Variants in MAF observed in about 807,000 individuals in gnomAD.
MAF encodes MAF bZIP transcription factor.
MAF carries 10 observed loss-of-function variants against 22.0 expected under a neutral mutation model. The ratio of observed to expected loss-of-function variants is 0.45; its 90% CI spans 0.28 to 0.77. MAF has a LOEUF of 0.77. Ranked by LOEUF, MAF falls within the 30% of genes least tolerant of loss-of-function variation. The pLI is 0.12. For missense variants in MAF, 544 were observed against 548.4 expected, an observed-to-expected ratio of 0.99 and a Z score of 0.08; for synonymous variants, 337 against 255.8, an observed-to-expected ratio of 1.32 and a Z score of -3.03.
At chr16:79,316,470 G>A in the MAF span, among the ~76,000 whole-genome samples, 1 of 152,114 alleles carries the variant, frequency 6.6e-6, no homozygotes, top group Non-Finnish European at 1.5e-5. Context: ...GTGTTTCTCG[G>A]TTTCCATGTC....
the MAF span, among the ~76,000 whole-genome samples, chr16:79,209,999 A>G: frequency 6.6e-6 from 1 of 152,208 alleles, no homozygotes. Flanking sequence ...ATGGAGGGAG[A>G]TTGGGGAGGT....
chr16:79,226,575 C>A, the MAF span, among the ~76,000 whole-genome samples: 1 of 152,030 alleles, frequency 6.6e-6, no homozygotes, highest in East Asian at 1.9e-4. Context: ...GAAAAATGTA[C>A]GTTATAAAAG....
chr16:79,563,887 A>G, the MAF span, among the ~76,000 whole-genome samples: 1 of 152,236 alleles, frequency 6.6e-6, no homozygotes, highest in Non-Finnish European at 1.5e-5. Context: ...TTCACATCCA[A>G]AAAGTATCAT....
chr16:79,340,636 A>G, the MAF span, among the ~76,000 whole-genome samples: 2 of 151,814 alleles, frequency 1.3e-5, no homozygotes, highest in South Asian at 2.1e-4. Context: ...TTATATGCAA[A>G]TCCACAGAGT....
the MAF span, among the ~76,000 whole-genome samples, chr16:79,545,371 C>G: frequency 1.3e-5 from 2 of 152,200 alleles, no homozygotes; most frequent in African/African-American, 4.8e-5. Flanking sequence ...AACGACAATG[C>G]AAGGTTCCTT....
chr16:79,495,557 G>C, the MAF span, among the ~76,000 whole-genome samples: 2 of 152,160 alleles, frequency 1.3e-5, no homozygotes, highest in African/African-American at 4.8e-5. Flanking sequence ...ACCACATATA[G>C]ATTTCTTCTT....
the MAF span, among the ~76,000 whole-genome samples, chr16:79,213,271 C>G: frequency 6.6e-6 from 1 of 151,484 alleles, no homozygotes; most frequent in East Asian, 1.9e-4. Flanking sequence ...ACTTCTGTGC[C>G]TCTGCATCTG....
the MAF span, among the ~76,000 whole-genome samples, chr16:79,300,751 T>G: frequency 6.6e-6 from 1 of 152,036 alleles, no homozygotes; most frequent in African/African-American, 2.4e-5. Context: ...ATACATTTTA[T>G]TATATGTTAT....
At chr16:79,558,834 A>G in the MAF span, among the ~76,000 whole-genome samples, 1 of 152,202 alleles carries the variant, frequency 6.6e-6, no homozygotes, top group Non-Finnish European at 1.5e-5. Context: ...TTTGATTATA[A>G]TAGGGGCTCC....
the MAF span, among the ~76,000 whole-genome samples, chr16:79,457,158 A>G: frequency 1.3e-5 from 2 of 152,196 alleles, no homozygotes; most frequent in African/African-American, 4.8e-5. Flanking sequence ...CTCTCCAAGA[A>G]AAAAATGTCT....
the MAF span, among the ~76,000 whole-genome samples, chr16:79,431,313 A>G: frequency 6.6e-6 from 1 of 152,194 alleles, no homozygotes; most frequent in East Asian, 1.9e-4. Context: ...TTAAAGAGTT[A>G]AGGGCCATGA....
the MAF span, among the ~76,000 whole-genome samples, chr16:79,308,045 G>C: frequency 3.3e-5 from 5 of 152,178 alleles, no homozygotes; most frequent in Admixed American, 3.3e-4. Context: ...AGTTTCCCTT[G>C]TTTTAATGAC....
the MAF span, among the ~76,000 whole-genome samples, chr16:79,333,286 C>A: frequency 6.6e-6 from 1 of 152,202 alleles, no homozygotes; most frequent in South Asian, 2.1e-4. Flanking sequence ...TGGATCTGAC[C>A]CCACCTGAGC....
chr16:79,384,479 C>T, the MAF span, among the ~76,000 whole-genome samples: 6 of 145,750 alleles, frequency 4.1e-5, no homozygotes, highest in Admixed American at 2.1e-4. Flanking sequence ...AGGGAGCGGC[C>T]GGGCATGGTG....
At chr16:79,568,817 G>A in the MAF span, among the ~76,000 whole-genome samples, 1 of 152,154 alleles carries the variant, frequency 6.6e-6, no homozygotes, top group Non-Finnish European at 1.5e-5. Flanking sequence ...ACATCTAACA[G>A]AAATGGCAAT....
the MAF span, among the ~76,000 whole-genome samples, chr16:79,538,554 T>A: frequency 2.0e-5 from 3 of 152,100 alleles, no homozygotes; most frequent in South Asian, 2.1e-4. Flanking sequence ...ATTTACAAAC[T>A]AAATATTATA....
the MAF span, among the ~76,000 whole-genome samples, chr16:79,364,437 G>C: frequency 1.3e-5 from 2 of 152,166 alleles, no homozygotes; most frequent in Non-Finnish European, 2.9e-5. Flanking sequence ...CTCCAGCCAG[G>C]CTGGGTGGGT....
At chr16:79,300,484 G>A in the MAF span, among the ~76,000 whole-genome samples, 1 of 152,118 alleles carries the variant, frequency 6.6e-6, no homozygotes. Flanking sequence ...GAACCCGGGA[G>A]GTGGAGGTTG....
chr16:79,457,858 A>G, the MAF span, among the ~76,000 whole-genome samples: 1 of 152,254 alleles, frequency 6.6e-6, no homozygotes, highest in African/African-American at 2.4e-5. Flanking sequence ...AACATTATCC[A>G]CAGCTGCCTC....
Sources: allele counts gnomAD v4.1 joint callset (sites outside exome capture counted in the v4.1 genomes callset), GRCh38; gene constraint gnomAD v4.1.1; transcripts MANE v1.5; gene names NCBI Gene and HGNC (gene_info 2026-07-23, HGNC 2026-07-21).